HNRNPAB: variants seen among roughly 807,000 people sequenced by gnomAD.
HNRNPAB encodes the protein ABBP-1.
HNRNPAB carries 17 observed loss-of-function variants against 44.1 expected under a neutral mutation model. That is an observed-to-expected ratio of 0.39 (90% CI 0.26 to 0.58). The LOEUF is 0.58. HNRNPAB is among the 20% of genes least tolerant of loss of function. HNRNPAB has a pLI of 0.63. For missense variants in HNRNPAB, 393 were observed against 432.7 expected (o/e 0.91, Z 0.81); for synonymous variants, 183 against 167.6 (o/e 1.09, Z -0.71).
At chr5:178,209,242 ATTTGATG>A in intron 5 of HNRNPAB, 81 bp from the exon 6 acceptor site, 2 of 1,025,896 alleles carry the variant, frequency 1.9e-6, no homozygotes, top group East Asian at 4.8e-5. Context: ...CTGATCCACC[ATTTGATG>A]TTTGTCGCAG....
intron 2 of HNRNPAB, 147 bp downstream of exon 2, chr5:178,205,193 G>A (rs1756991935): frequency 2.0e-6 from 1 of 490,382 alleles, no homozygotes; most frequent in Non-Finnish European, 2.9e-6. Context: ...TTCGCGGGCC[G>A]GGCCTGGCGC....
intron 6 of HNRNPAB, 128 bp from the exon 7 acceptor site, chr5:178,210,004 A>G: frequency 7.5e-7 from 1 of 1,328,754 alleles, no homozygotes; most frequent in Non-Finnish European, 1.0e-6. Flanking sequence ...ACACCAGAAC[A>G]GCAGCCCCTT....
intron 6 of HNRNPAB, 54 bp from the exon 7 acceptor site, chr5:178,210,078 G>C: frequency 1.2e-6 from 2 of 1,601,136 alleles, no homozygotes; most frequent in Non-Finnish European, 1.7e-6. Context: ...CTCCATCCTA[G>C]CTCCTGCGTA....
At chr5:178,205,088 C>T in intron 2 of HNRNPAB, 42 bp downstream of exon 2, 6 of 1,180,868 alleles carry the variant, frequency 5.1e-6, no homozygotes, top group African/African-American at 1.6e-5. Context: ...GCCTTTGTTC[C>T]GGGGCCGCCT....
chr5:178,206,999 C>G, intron 4 of HNRNPAB, 95 bp from the exon 5 acceptor site: 1 of 1,584,886 alleles, frequency 6.3e-7, no homozygotes, highest in Non-Finnish European at 8.6e-7. Context: ...TTATTTTTCA[C>G]CCTCTGTCTT....
Position 178,204,760 on chromosome 5 carries a change from C to A in HNRNPAB, c.-24+20C>A. On this transcript the variant is annotated intron_variant, in intron 1 of 7. Coordinates refer to ENST00000358344, the MANE Select transcript of HNRNPAB (RefSeq NM_031266.3). ...GGCGAGGTGAGCGGCGGCCGGCGGG[C>A]GGGAGCTCTGGCGGGAGCCGCGCCG... The A allele has an allele frequency of 2.1e-6, 2 of 938,232 alleles. No individual in the cohort carries two copies. Among genetic ancestry groups the A allele is most frequent in the Non-Finnish European group, 2.7e-6 (2 of 732,592 alleles). 58.1% of individuals were successfully genotyped at this position (938,232 alleles called of 1,614,324 possible).
Position 178,211,074 on chromosome 5 carries a change from T to C in HNRNPAB, c.*451T>C, listed in dbSNP as rs1444125369. 1.1e-5 allele frequency: 2 copies of C among 178,640 alleles called. No homozygotes were observed. The highest frequency in any genetic ancestry group is 1.1e-4 in the Admixed American group (2 of 17,410). The allele number at this position is 178,640 out of a possible 1,614,324, so 11.1% of individuals were successfully genotyped here. On this transcript the variant is annotated 3_prime_UTR_variant, in exon 8 of 8. Coordinates refer to ENST00000358344, the MANE Select transcript of HNRNPAB (RefSeq NM_031266.3). ...TGGTACCTTTTGGGAATCTAATGTA[T>C]TGTAAGGTATTTTACACGTGTCCTG...
chr5:178,210,318 A>T (rs777747612), intron 7 of HNRNPAB, 46 bp downstream of exon 7: 1 of 1,612,584 alleles, frequency 6.2e-7, no homozygotes, highest in Non-Finnish European at 8.5e-7. Flanking sequence ...CCTCGTCCCC[A>T]GGGGAGGCAG....
At chr5:178,206,201 T>C (rs1490003064) in intron 3 of HNRNPAB, among the ~76,000 whole-genome samples, 191 bp downstream of exon 3, 1 of 152,164 alleles carries the variant, frequency 6.6e-6, no homozygotes, top group Admixed American at 6.5e-5. Context: ...AGTGAGAGAA[T>C]GTGCTGGAGT....
chr5:178,209,342 G>C lies in HNRNPAB; in HGVS notation c.682G>C (p.Val228Leu). ...TCTTGACTTTTAGTGTGAGATCAAGGTGGCCCAGCCCAAAGAAGTCTATCA... is the reference window on the plus strand; with the variant it reads ...TCTTGACTTTTAGTGTGAGATCAAGCTGGCCCAGCCCAAAGAAGTCTATCA... Reference protein sequence around the residue: ...TVSGSKCEIKVAQPKEVYQQQ... With the variant: ...TVSGSKCEIKLAQPKEVYQQQ... The change falls in exon 6 of 8, where the codon GTG becomes CTG. Residue 228 changes from valine to leucine, a missense_variant. By Grantham distance (32) the Val-to-Leu change is conservative. This residue lies in a region of HNRNPAB where 210 missense variants were observed against 196.9 expected (regional missense o/e 1.07). Transcript: ENST00000358344. The C allele has an allele frequency of 2.5e-6, 4 of 1,614,118 alleles. No homozygotes were observed. Among genetic ancestry groups the C allele is most frequent in the Admixed American group, 1.7e-5 (1 of 60,024 alleles).
chr5:178,207,177 C>G lies in HNRNPAB; in HGVS notation c.621C>G (p.Pro207=), dbSNP rs777397806. Reference sequence around the variant, plus strand: ...TTATCACCTTTAAAGAAGAAGAACCCGTGAAGAAGGTTCTGGAGAAAAAGT... The same window carrying G: ...TTATCACCTTTAAAGAAGAAGAACCGGTGAAGAAGGTTCTGGAGAAAAAGT... The part of the protein sequence containing the change: ...FVFITFKEEE[P]VKKVLEKKFH... Residue 207 remains proline, a synonymous_variant, in exon 5 of 8, where the codon CCC becomes CCG. Coordinates refer to ENST00000358344, the MANE Select transcript of HNRNPAB (RefSeq NM_031266.3). The G allele has an allele frequency of 4.0e-5, 64 of 1,613,938 alleles. No individual in the cohort carries two copies. The highest frequency in any genetic ancestry group is 5.3e-5 in the Non-Finnish European group (63 of 1,179,992).
In HNRNPAB at chr5:178,210,745, T is replaced by A; in HGVS notation, c.*122T>A. 1 of 756,110 alleles carries A rather than the reference T, an allele frequency of 1.3e-6. No individual in the cohort carries two copies. The highest frequency in any genetic ancestry group is 2.3e-6 in the Non-Finnish European group (1 of 434,190). The allele number at this position is 756,110 out of a possible 1,614,324, so 46.8% of individuals were successfully genotyped here. On this transcript the variant is annotated 3_prime_UTR_variant, in exon 8 of 8. Transcript: ENST00000358344. ...TTGCCTGTCCCATGTGCATCTTATTTAAAATTTCCCCCATGGAAATCACTC... is the reference window on the plus strand; with the variant it reads ...TTGCCTGTCCCATGTGCATCTTATTAAAAATTTCCCCCATGGAAATCACTC...
Position 178,207,330 on chromosome 5 carries a change from C to T in HNRNPAB, c.669+105C>T, listed in dbSNP as rs1192017662. ...TCATGCAGGAGCTCTCCAGGTTGGT[C>T]AGACTTTACTATTTCTCTGAAGCGT... On this transcript the variant is annotated intron_variant, in intron 5 of 7. Coordinates refer to ENST00000358344, the MANE Select transcript of HNRNPAB (RefSeq NM_031266.3). The T allele has an allele frequency of 9.6e-6, 13 of 1,360,556 alleles. 2 individuals carry two copies. 84.3% of individuals were successfully genotyped at this position (1,360,556 alleles called of 1,614,324 possible).
At chr5:178,205,119 G>A (rs148368346) in intron 2 of HNRNPAB, 73 bp downstream of exon 2, 8 of 1,099,704 alleles carry the variant, frequency 7.3e-6, no homozygotes, top group Non-Finnish European at 9.1e-6. Context: ...CCACGCGGCG[G>A]GGGGAGGGGC....
intron 4 of HNRNPAB, 102 bp downstream of exon 4, chr5:178,206,992 T>C (rs1757092252): frequency 2.5e-6 from 4 of 1,584,296 alleles, no homozygotes; most frequent in African/African-American, 2.7e-5. Flanking sequence ...GCAGGGCTTA[T>C]TTTTCACCCT....
At chr5:178,205,755 C>T in intron 2 of HNRNPAB, 87 bp from the exon 3 acceptor site, 2 of 1,293,992 alleles carry the variant, frequency 1.5e-6, no homozygotes, top group African/African-American at 1.5e-5. Flanking sequence ...CTGTAGACTT[C>T]GTGAGAACTT....
Position 178,209,454 on chromosome 5 carries a change from G to A in HNRNPAB, c.787+7G>A. 4 of 1,611,626 alleles carry A rather than the reference G, an allele frequency of 2.5e-6. No individual in the cohort carries two copies. The highest frequency in any genetic ancestry group is 3.4e-6 in the Non-Finnish European group (4 of 1,177,756). On this transcript the variant is annotated splice_region_variant and intron_variant, in intron 6 of 7. Transcript: ENST00000358344. Reference sequence around the variant, plus strand: ...GGTGGTGGTGGAGGTGGAGGTGAGTGGAACGTGGATGAAGATAGGTCCTGT... The same window carrying A: ...GGTGGTGGTGGAGGTGGAGGTGAGTAGAACGTGGATGAAGATAGGTCCTGT...
chr5:178,210,446 GTC>G, intron 7 of HNRNPAB, 105 bp from the exon 8 acceptor site: 1 of 1,484,318 alleles, frequency 6.7e-7, no homozygotes, highest in South Asian at 1.2e-5. Context: ...GAGGAAGGCA[GTC>G]TCTGCTGTCA....
chr5:178,209,280 C>A, intron 5 of HNRNPAB, 50 bp from the exon 6 acceptor site: 1 of 1,451,192 alleles, frequency 6.9e-7, no homozygotes, highest in Non-Finnish European at 9.7e-7. Context: ...TGGGCAGTCA[C>A]TGCCCTGAGT....
Sources: gnomAD v4.1 joint callset for allele counts (sites outside exome capture counted in the v4.1 genomes callset) on GRCh38, gnomAD v4.1.1 for gene constraint, gnomAD v4.1.1 regional missense constraint, MANE v1.5 for transcripts, NCBI Gene and HGNC (gene_info 2026-07-23, HGNC 2026-07-21) for gene names.